Variants in MGAT5B observed in about 807,000 individuals in gnomAD.
MGAT5B encodes alpha-1,6-mannosylglycoprotein 6-beta-N-acetylglucosaminyltransferase B.
In MGAT5B, 54 loss-of-function variants were observed where a neutral mutation model predicts 95.1. That is an observed-to-expected ratio of 0.57 (90% CI 0.46 to 0.71). The LOEUF (loss-of-function observed/expected upper bound fraction) is 0.71. Among genes scored for constraint, MGAT5B ranks in the 30% least tolerant of loss-of-function variants. MGAT5B has a pLI of 0.00. For synonymous variants in MGAT5B, 464 were observed against 451.0 expected (o/e 1.03, Z -0.36); for missense variants, 935 against 1,088.6 (o/e 0.86, Z 1.99).
chr17:76,898,599 G>A (rs1049917065), intron 3 of MGAT5B, among the ~76,000 whole-genome samples: 3 of 151,956 alleles, frequency 2.0e-5, no homozygotes, highest in African/African-American at 7.3e-5. Context: ...CACTGTGCCC[G>A]GCCCATAATC....
intron 8 of MGAT5B, among the ~76,000 whole-genome samples, chr17:76,913,240 C>G (rs1188662445): frequency 6.6e-6 from 1 of 152,234 alleles, no homozygotes; most frequent in Non-Finnish European, 1.5e-5. Context: ...GGGACTCCAT[C>G]TGCTTCCTCC....
rs116439325 is a variant in MGAT5B at position 76,917,146 on chromosome 17, G to A, written c.1026-7820G>A. On this transcript the variant is annotated intron_variant, in intron 8 of 17. Coordinates refer to ENST00000569840, the MANE Select transcript of MGAT5B (RefSeq NM_001199172.2). This position sits in a 1 kb window ranked among gnomAD's most constrained non-coding sequence, Gnocchi z 6.1. ...AGTCCGGGTTTAGTGTGAGGATTTT[G>A]CACACCAACCATCACTGCAAATATA... Among the ~76,000 whole-genome samples the A allele has an allele frequency of 6.5e-3, 992 of 152,290 alleles. 14 individuals carry two copies. Among genetic ancestry groups the A allele is most frequent in the African/African-American group, 0.023 (949 of 41,548 alleles).
In MGAT5B at chr17:76,946,399, G is replaced by C; in HGVS notation, c.1872G>C (p.Glu624Asp). The C allele has an allele frequency of 6.2e-7, 1 of 1,607,812 alleles. No homozygotes were observed. Among genetic ancestry groups the C allele is most frequent in the Non-Finnish European group, 8.5e-7 (1 of 1,176,776 alleles). ...AGGTAGACCCCTACCTACCCTACGAGTACACCTGCGAGGGGATGCTGGAGC... is the reference window on the plus strand; with the variant it reads ...AGGTAGACCCCTACCTACCCTACGACTACACCTGCGAGGGGATGCTGGAGC... ...RTQVDPYLPY[E>D]YTCEGMLERI... is the part of the protein sequence containing the mutation. The change falls in exon 16 of 18, where the codon GAG becomes GAC. Residue 624 changes from glutamate (E) to aspartate (D), a missense_variant. Coordinates refer to ENST00000569840, the MANE Select transcript of MGAT5B (RefSeq NM_001199172.2).
intron 3 of MGAT5B, among the ~76,000 whole-genome samples, chr17:76,886,352 C>G (rs973259768): frequency 5.9e-5 from 9 of 152,200 alleles, no homozygotes; most frequent in African/African-American, 2.2e-4. Flanking sequence ...CCTGGGCGGC[C>G]TTGGGCTCTG....
intron 12 of MGAT5B, among the ~76,000 whole-genome samples, chr17:76,933,787 CT>C (rs960195557): frequency 2.0e-5 from 3 of 152,198 alleles, no homozygotes; most frequent in African/African-American, 7.2e-5. Flanking sequence ...AGTATATTTT[CT>C]TTCCTGCTTG....
intron 12 of MGAT5B, among the ~76,000 whole-genome samples, chr17:76,935,889 TATAATTA>T (rs1330147590): frequency 0.6 from 69,304 of 115,494 alleles, 20,965 homozygotes; most frequent in East Asian, 0.63. Context: ...TTATATATTA[TATAATTA>T]TATATACATT....
At chr17:76,941,626 G>A (rs1223393981) in intron 15 of MGAT5B, among the ~76,000 whole-genome samples, 2 of 152,246 alleles carry the variant, frequency 1.3e-5, no homozygotes, top group Non-Finnish European at 2.9e-5. Flanking sequence ...TTGGGAGGCC[G>A]AGGCGGGCAG....
In MGAT5B at chr17:76,908,306, G is replaced by A. The variant is rs138579111; in HGVS notation, c.1025+2119G>A. ...TTTTTTTTTTTTCAGATAGGGCCTC[G>A]CTCTGTTGCCCAGGCTGGAGTGCAG... is the stretch of plus-strand genomic sequence containing the variant. On this transcript the variant is annotated intron_variant, in intron 8 of 17. Transcript: ENST00000569840. Among the ~76,000 whole-genome samples the A allele has an allele frequency of 8.4e-3, 1,037 of 123,402 alleles. 23 individuals are homozygous for A. The highest frequency in any genetic ancestry group is 0.031 in the African/African-American group (991 of 31,584). 81.0% of individuals were successfully genotyped at this position (123,402 alleles called of 152,430 possible). A position where few individuals can be genotyped will look rare whatever the true frequency, so the allele number is the denominator to read the frequency against.
chr17:76,892,290 C>T (rs969045273), intron 3 of MGAT5B, among the ~76,000 whole-genome samples: 17 of 152,204 alleles, frequency 1.1e-4, no homozygotes, highest in African/African-American at 2.9e-4. Flanking sequence ...TCAGGTGATC[C>T]GCCCGCCCCG....
Position 76,902,673 on chromosome 17 carries a change from G to T in MGAT5B, c.445+3G>T. 6.4e-7 allele frequency: 1 copy of T among 1,571,200 alleles called. No homozygotes were observed. ...CAGTCTGCTCCTGCACAGCAAGGGT[G>T]GGTGCCAGGGGGCGGGGGTACCCTC... On this transcript the variant is annotated splice_donor_region_variant and intron_variant, in intron 4 of 17. Transcript: ENST00000569840.
intron 3 of MGAT5B, among the ~76,000 whole-genome samples, chr17:76,894,441 G>A (rs1373022566): frequency 6.6e-6 from 1 of 152,222 alleles, no homozygotes; most frequent in African/African-American, 2.4e-5. Flanking sequence ...AGTGCTCAAT[G>A]CCTGTTGGCT....
In MGAT5B at chr17:76,881,179, G is replaced by A. The variant is rs491209; in HGVS notation, c.182-972G>A. Among the ~76,000 whole-genome samples the A allele has an allele frequency of 5.0e-3, 769 of 152,334 alleles. 3 individuals are homozygous for A. The highest frequency in any genetic ancestry group is 0.02 in the Middle Eastern group (6 of 294). On this transcript the variant is annotated intron_variant, in intron 2 of 17. Coordinates refer to ENST00000569840, the MANE Select transcript of MGAT5B (RefSeq NM_001199172.2). ...AGAACTCGCTCCCGCACACTGGCAC[G>A]TGCAGCGCTAATGATCGGGAATGAT... is the stretch of plus-strand genomic sequence containing the variant.
chr17:76,872,334 A>G lies in MGAT5B; in HGVS notation c.69-517A>G, dbSNP rs1386664037. 5.3e-5 allele frequency among the ~76,000 whole-genome samples: 8 copies of G among 152,296 alleles called. No homozygotes were observed. The East Asian group carries it at 1.5e-3, about 29-fold the overall frequency. On this transcript the variant is annotated intron_variant, in intron 1 of 17. Coordinates refer to ENST00000569840, the MANE Select transcript of MGAT5B (RefSeq NM_001199172.2). ...GCACCAAGGCTGGCCTGAGTGATTG[A>G]TGGGGTCTGGCTGGCCTCAGGCCCT...
At chr17:76,882,323 C>T (rs750728870) in intron 3 of MGAT5B, 25 bp downstream of exon 3, 14 of 1,580,850 alleles carry the variant, frequency 8.9e-6, no homozygotes, top group Admixed American at 7.1e-5. Flanking sequence ...GGAGGAGGCA[C>T]ACGGAGCAGG....
At chr17:76,911,971 G>C (rs1490411375) in intron 8 of MGAT5B, among the ~76,000 whole-genome samples, 4 of 152,204 alleles carry the variant, frequency 2.6e-5, no homozygotes, top group Non-Finnish European at 5.9e-5. Flanking sequence ...GCCTCTCTCT[G>C]GGTTCCTGGT....
chr17:76,886,309 A>C (rs997506674), intron 3 of MGAT5B, among the ~76,000 whole-genome samples: 2 of 152,342 alleles, frequency 1.3e-5, no homozygotes, highest in African/African-American at 4.8e-5. Flanking sequence ...CCCGGTGCCC[A>C]GCCTGGCCAG....
In MGAT5B at chr17:76,948,012, C is replaced by T. The variant is rs1970087868; in HGVS notation, c.2106C>T (p.Asp702=). 1.2e-6 allele frequency: 2 copies of T among 1,612,940 alleles called. No individual in the cohort carries two copies. Among genetic ancestry groups the T allele is most frequent in the African/African-American group, 1.3e-5 (1 of 74,934 alleles). ...CCGTGCCTGGGAGGGCCTGCACCGA[C>T]ACCTGCCTGGACCACGGGCTAATCT... ...WLAVPGRACT[D]TCLDHGLICE... The change falls in exon 17 of 18, where the codon GAC becomes GAT. Residue 702 remains aspartate, a synonymous_variant. Coordinates refer to ENST00000569840, the MANE Select transcript of MGAT5B (RefSeq NM_001199172.2).
At position 76,877,126 on chromosome 17, in the gene MGAT5B, GA is replaced by G. The variant is rs371515094; in HGVS notation, c.181+4164del. Among the ~76,000 whole-genome samples the G allele has an allele frequency of 2.9e-3, 449 of 152,246 alleles. 2 individuals carry two copies. Among genetic ancestry groups the G allele is most frequent in the African/African-American group, 0.01 (425 of 41,546 alleles). ...GGATCACCTGAGGTCAGGAGTTCGA[GA>G]CCAGCCTGGCCAGCGTGGTGAAACC... On this transcript the variant is annotated intron_variant, in intron 2 of 17. Transcript: ENST00000569840.
chr17:76,884,218 G>A (rs976001811), intron 3 of MGAT5B, among the ~76,000 whole-genome samples: 5 of 152,122 alleles, frequency 3.3e-5, no homozygotes, highest in African/African-American at 1.2e-4. Context: ...TCCCAGAGGA[G>A]GAAGCTTTAA....
Sources: allele counts gnomAD v4.1 joint callset (sites outside exome capture counted in the v4.1 genomes callset), GRCh38; gene constraint gnomAD v4.1.1; non-coding constraint Gnocchi (gnomAD v3.1); transcripts MANE v1.5; gene names NCBI Gene and HGNC (gene_info 2026-07-23, HGNC 2026-07-21).